NCOA1: variants seen among roughly 807,000 people sequenced by gnomAD.
NCOA1 encodes the protein Hin-2 protein.
In NCOA1, 35 loss-of-function variants were observed where a neutral mutation model predicts 150.9. The ratio of observed to expected loss-of-function variants is 0.23; its 90% CI spans 0.18 to 0.31. The LOEUF (loss-of-function observed/expected upper bound fraction) is 0.31, where lower values mean the gene tolerates loss of function less well. Ranked by LOEUF, NCOA1 falls within the 10% of genes least tolerant of loss-of-function variation. The probability of loss-of-function intolerance (pLI) is 1.00; values close to 1 mark genes in which losing one functional copy is unlikely to be tolerated. For synonymous variants in NCOA1, 590 were observed against 630.0 expected (o/e 0.94, Z 0.95); for missense variants, 1,491 against 1,749.3 (o/e 0.85, Z 2.63).
intron 15 of NCOA1, among the ~76,000 whole-genome samples, 172 bp from the exon 16 acceptor site, chr2:24,728,136 A>G (rs1407994633): frequency 2.0e-5 from 3 of 152,248 alleles, no homozygotes; most frequent in Non-Finnish European, 4.4e-5. Flanking sequence ...TACATACCAA[A>G]TACTCATTTA....
intron 7 of NCOA1, among the ~76,000 whole-genome samples, chr2:24,676,003 T>C (rs984331958): frequency 6.6e-5 from 10 of 152,224 alleles, no homozygotes; most frequent in Non-Finnish European, 1.3e-4. Context: ...AGCTTCTCTT[T>C]CAATACATCC....
At chr2:24,740,791 A>G (rs923536820) in intron 18 of NCOA1, among the ~76,000 whole-genome samples, 9 of 152,214 alleles carry the variant, frequency 5.9e-5, no homozygotes, top group Non-Finnish European at 1.3e-4. Flanking sequence ...GATAATTCCT[A>G]TCAGAAAGTC....
chr2:24,600,853 G>A (rs1267011749), intron 3 of NCOA1, among the ~76,000 whole-genome samples: 2 of 152,182 alleles, frequency 1.3e-5, no homozygotes, highest in Non-Finnish European at 2.9e-5. Context: ...TATATGATAC[G>A]CATAGAATGT....
At chr2:24,677,921 C>T (rs1236995623) in intron 7 of NCOA1, among the ~76,000 whole-genome samples, 2 of 151,756 alleles carry the variant, frequency 1.3e-5, no homozygotes, top group African/African-American at 2.4e-5. Context: ...GTAGGATGTG[C>T]AGGTTTGTTA....
rs531936832 is a variant in NCOA1, at chr2:24,732,907, G to A, written c.3201+3092G>A. Among the ~76,000 whole-genome samples the A allele has an allele frequency of 4.7e-5, 7 of 148,582 alleles. No individual in the cohort carries two copies. The South Asian group carries it at 8.5e-4, about 18-fold the overall frequency. On this transcript the variant is annotated intron_variant, in intron 17 of 22. Transcript: ENST00000348332. Reference sequence around the variant, plus strand: ...AGAAGGTCTTCCCACCCCATCCCCCGCCAAAAAAAGAAAAAAAGGAACAAA... The same window carrying A: ...AGAAGGTCTTCCCACCCCATCCCCCACCAAAAAAAGAAAAAAAGGAACAAA...
chr2:24,538,200 G>A (rs1665245975), intron 1 of NCOA1, among the ~76,000 whole-genome samples: 1 of 152,164 alleles, frequency 6.6e-6, no homozygotes, highest in African/African-American at 2.4e-5. Context: ...GGCCTGAAAT[G>A]AATACTTTTT....
rs1473019404 is a variant in NCOA1, at chr2:24,642,011, TG to T, written c.-174-1954del. ...TTGCCAGCAGATTACAGAGGGCGTGTGTGTGTGTGTGTGTGTGTGTGTGTGT... is the reference window on the plus strand; with the variant it reads ...TTGCCAGCAGATTACAGAGGGCGTGTTGTGTGTGTGTGTGTGTGTGTGTGT... On this transcript the variant is annotated intron_variant, in intron 3 of 22. Coordinates refer to ENST00000348332, the MANE Select transcript of NCOA1 (RefSeq NM_003743.5). Among the ~76,000 whole-genome samples, 4 of 46,106 alleles carry T rather than the reference TG, an allele frequency of 8.7e-5. No homozygotes were observed. The East Asian group carries it at 3.4e-3, about 39-fold the overall frequency. The allele number at this position is 46,106 out of a possible 152,430, so 30.2% of individuals were successfully genotyped here.
chr2:24,491,739 C>T lies in NCOA1; in HGVS notation c.-396+137C>T, dbSNP rs1239299556. Among the ~76,000 whole-genome samples, 27 of 151,506 alleles carry T rather than the reference C, an allele frequency of 1.8e-4. No homozygotes were observed. In the East Asian group the frequency reaches 4.3e-3, roughly 24 times the overall value. On this transcript the variant is annotated intron_variant, in intron 1 of 22. Transcript: ENST00000348332. ...CTCTCCTTTCTCCCGCTCCATCCTCCTCCCACTTCCCCGAGTTCCCCTCGC... is the reference window on the plus strand; with the variant it reads ...CTCTCCTTTCTCCCGCTCCATCCTCTTCCCACTTCCCCGAGTTCCCCTCGC...
chr2:24,736,170 G>T (rs1478492494), intron 17 of NCOA1, among the ~76,000 whole-genome samples: 1 of 150,114 alleles, frequency 6.7e-6, no homozygotes, highest in Non-Finnish European at 1.5e-5. Flanking sequence ...GCAGTGAGCT[G>T]AGATGTCACT....
rs766560944 is a variant in NCOA1 at position 24,726,637 on chromosome 2, C to G, written c.2648C>G (p.Pro883Arg). The stretch of plus-strand genomic sequence containing the variant: ...GCAATTGATAACCAATTTGGACAAC[C>G]AGGAACAGGCGATCAGATTCCATGG... Reference protein sequence around the residue: ...LEAIDNQFGQPGTGDQIPWTN... With the variant: ...LEAIDNQFGQRGTGDQIPWTN... Residue 883 changes from proline to arginine, a missense_variant, in exon 15 of 23, where the codon CCA becomes CGA. Pro to Arg is a moderately radical substitution (Grantham distance 103). This residue lies in a region of NCOA1 where 703 missense variants were observed against 717.7 expected (regional missense o/e 0.98). Transcript: ENST00000348332. 12 of 1,610,470 alleles carry G rather than the reference C, an allele frequency of 7.5e-6. No homozygotes were observed. The highest frequency in any genetic ancestry group is 1.6e-4 in the Middle Eastern group (1 of 6,070).
At chr2:24,727,396 A>T (rs1662745356) in intron 15 of NCOA1, among the ~76,000 whole-genome samples, 1 of 152,142 alleles carries the variant, frequency 6.6e-6, no homozygotes, top group African/African-American at 2.4e-5. Context: ...TATTTTGTCC[A>T]GCATTTCTCT....
rs1400552600 is a variant in NCOA1, at chr2:24,768,907, TCTAGC to T, written c.*517_*521del. On this transcript the variant is annotated 3_prime_UTR_variant, in exon 23 of 23. Coordinates refer to ENST00000348332, the MANE Select transcript of NCOA1 (RefSeq NM_003743.5). ...GCAGCTTGTGTGTACAATCAGCTTC[TCTAGC>T]AACTCTGTATCTGTTGGCTTCAAGA... The T allele has an allele frequency of 4.5e-6, 1 of 220,150 alleles. No individual in the cohort carries two copies. The highest frequency in any genetic ancestry group is 9.1e-6 in the Non-Finnish European group (1 of 109,702). The allele number at this position is 220,150 out of a possible 1,614,324, so 13.6% of individuals were successfully genotyped here. A position where few individuals can be genotyped will look rare whatever the true frequency, so the allele number is the denominator to read the frequency against.
intron 11 of NCOA1, among the ~76,000 whole-genome samples, chr2:24,703,949 ATTAAAACAT>A (rs1673289406): frequency 6.6e-6 from 1 of 152,192 alleles, no homozygotes; most frequent in Non-Finnish European, 1.5e-5. Context: ...ATATGGTATT[ATTAAAACAT>A]CAGTGATATT....
At chr2:24,724,956 G>T (rs1358691356) in intron 14 of NCOA1, among the ~76,000 whole-genome samples, 2 of 151,782 alleles carry the variant, frequency 1.3e-5, no homozygotes, top group Non-Finnish European at 1.5e-5. Flanking sequence ...TACAGAATTT[G>T]ATTTCTATAT....
At chr2:24,766,555 TGAG>T (rs1039049964) in intron 22 of NCOA1, among the ~76,000 whole-genome samples, 7 of 150,874 alleles carry the variant, frequency 4.6e-5, no homozygotes, top group African/African-American at 1.7e-4. Flanking sequence ...AAGAAAAAGA[TGAG>T]GAGAAGAGGA....
At chr2:24,711,286 G>A in intron 14 of NCOA1, 175 bp downstream of exon 14, 2 of 584,956 alleles carry the variant, frequency 3.4e-6, no homozygotes, top group East Asian at 3.3e-5. Context: ...TTCATCATGT[G>A]TATTTTAAAT....
chr2:24,607,689 T>TA (rs1021306678), intron 3 of NCOA1, among the ~76,000 whole-genome samples: 145 of 141,522 alleles, frequency 1.0e-3, no homozygotes, highest in Middle Eastern at 7.3e-3. Context: ...GACTCTTGTC[T>TA]AAAAAAAAAA....
chr2:24,768,171 C>A (rs375534928), intron 22 of NCOA1, 50 bp from the exon 23 acceptor site: 2 of 1,613,548 alleles, frequency 1.2e-6, no homozygotes, highest in Non-Finnish European at 1.7e-6. Flanking sequence ...CACTCATAAG[C>A]CGGGGGGGCA....
At chr2:24,720,593 A>G (rs1284943901) in intron 14 of NCOA1, among the ~76,000 whole-genome samples, 2 of 152,236 alleles carry the variant, frequency 1.3e-5, no homozygotes, top group Non-Finnish European at 2.9e-5. Flanking sequence ...GTAGATGCAG[A>G]CAACCAGTCT....
Sources: gnomAD v4.1 joint callset for allele counts (sites outside exome capture counted in the v4.1 genomes callset) on GRCh38, gnomAD v4.1.1 for gene constraint, gnomAD v4.1.1 regional missense constraint, MANE v1.5 for transcripts, NCBI Gene and HGNC (gene_info 2026-07-23, HGNC 2026-07-21) for gene names.